The following IQCM variants were observed in gnomAD, a reference collection of about 807,000 sequenced individuals.
The protein encoded by IQCM is IQ motif containing M.
IQCM carries 45 observed loss-of-function variants against 57.6 expected under a neutral mutation model. That is an observed-to-expected ratio of 0.78 (90% CI 0.62 to 1.00). IQCM has a LOEUF of 1.00. Among genes scored for constraint, IQCM ranks in the 50% least tolerant of loss-of-function variants. The pLI is 0.00. For missense variants in IQCM, 468 were observed against 511.6 expected (o/e 0.91, Z 0.82); for synonymous variants, 148 against 158.9 (o/e 0.93, Z 0.51).
intron 5 of IQCM, among the ~76,000 whole-genome samples, chr4:149,721,107 G>A (rs1391598553): frequency 1.3e-5 from 2 of 151,874 alleles, no homozygotes; most frequent in Non-Finnish European, 2.9e-5. Context: ...CTAATGGCAG[G>A]TTGAAAATAT....
intron 10 of IQCM, among the ~76,000 whole-genome samples, chr4:149,560,850 G>T (rs1054449736): frequency 2.0e-5 from 3 of 152,116 alleles, no homozygotes; most frequent in African/African-American, 7.2e-5. Flanking sequence ...TATGACTATG[G>T]AAGTCTCCCA....
chr4:149,687,922 G>A (rs1762665528), intron 5 of IQCM, among the ~76,000 whole-genome samples: 1 of 151,650 alleles, frequency 6.6e-6, no homozygotes, highest in African/African-American at 2.4e-5. Context: ...AAAACTCCCA[G>A]CAAAATCAGC....
chr4:149,671,691 T>C (rs1038681373), intron 7 of IQCM, among the ~76,000 whole-genome samples: 2 of 152,162 alleles, frequency 1.3e-5, no homozygotes, highest in Non-Finnish European at 2.9e-5. Flanking sequence ...TTGTTCTCAT[T>C]GGTTTCAAAG....
chr4:149,777,160 C>A (rs1771167597), intron 2 of IQCM, among the ~76,000 whole-genome samples: 1 of 152,198 alleles, frequency 6.6e-6, no homozygotes, highest in Admixed American at 6.5e-5. Context: ...TTACTAAAAT[C>A]TTTCCTTTCA....
chr4:149,748,343 T>C (rs1232811240), intron 2 of IQCM, among the ~76,000 whole-genome samples: 1 of 152,182 alleles, frequency 6.6e-6, no homozygotes. Flanking sequence ...GACACTTACA[T>C]TAATTAAGAT....
At chr4:149,569,503 A>G (rs1260777433) in intron 9 of IQCM, among the ~76,000 whole-genome samples, 1 of 152,186 alleles carries the variant, frequency 6.6e-6, no homozygotes, top group Non-Finnish European at 1.5e-5. Flanking sequence ...ATTGTTTATT[A>G]TTACAGCAAA....
intron 13 of IQCM, among the ~76,000 whole-genome samples, chr4:149,365,587 C>A (rs1729774416): frequency 6.6e-6 from 1 of 152,140 alleles, no homozygotes; most frequent in Non-Finnish European, 1.5e-5. Context: ...ATGAAGAAAT[C>A]TGACAAACAC....
At chr4:149,447,119 A>G (rs1304769539) in intron 12 of IQCM, among the ~76,000 whole-genome samples, 1 of 151,538 alleles carries the variant, frequency 6.6e-6, no homozygotes, top group East Asian at 1.9e-4. Flanking sequence ...CAGCTAAAGG[A>G]TGTAGTGATA....
At chr4:149,588,151 C>T (rs1237215808) in intron 8 of IQCM, among the ~76,000 whole-genome samples, 154 bp from the exon 9 acceptor site, 4 of 151,624 alleles carry the variant, frequency 2.6e-5, no homozygotes, top group East Asian at 1.9e-4. Context: ...TTTTAGTATA[C>T]TCAGAGGGGT....
intron 8 of IQCM, among the ~76,000 whole-genome samples, chr4:149,603,690 T>C (rs1002596159): frequency 6.6e-6 from 1 of 151,220 alleles, no homozygotes; most frequent in Admixed American, 6.6e-5. Context: ...AAAATGAGAA[T>C]GGCCACTGAT....
At chr4:149,452,307 T>C (rs1178145022) in intron 12 of IQCM, among the ~76,000 whole-genome samples, 4 of 151,456 alleles carry the variant, frequency 2.6e-5, no homozygotes, top group Non-Finnish European at 4.4e-5. Flanking sequence ...CCAATTATAA[T>C]TCTAACACAA....
At chr4:149,805,439 C>T (rs995403038) in intron 2 of IQCM, among the ~76,000 whole-genome samples, 2 of 151,984 alleles carry the variant, frequency 1.3e-5, no homozygotes, top group Non-Finnish European at 2.9e-5. Context: ...TTGGGATGGT[C>T]ATTTCTAGCC....
At chr4:149,361,471 T>C (rs530768522) in intron 13 of IQCM, among the ~76,000 whole-genome samples, 26 of 151,752 alleles carry the variant, frequency 1.7e-4, no homozygotes, top group Non-Finnish European at 3.8e-4. Context: ...GAGGAAAAAG[T>C]GGTTTTGTGG....
At chr4:149,363,967 C>T (rs1396993541) in intron 13 of IQCM, among the ~76,000 whole-genome samples, 2 of 152,138 alleles carry the variant, frequency 1.3e-5, no homozygotes, top group Non-Finnish European at 1.5e-5. Context: ...TGACTTTGTT[C>T]AGAATCAATA....
At chr4:149,453,494 G>A (rs1219712759) in intron 12 of IQCM, among the ~76,000 whole-genome samples, 1 of 151,726 alleles carries the variant, frequency 6.6e-6, no homozygotes, top group Admixed American at 6.6e-5. Context: ...ACTTGTATAA[G>A]GAATATGTAG....
At chr4:149,587,785 A>T (rs1449098236) in intron 9 of IQCM, 145 bp downstream of exon 9, 1 of 391,224 alleles carries the variant, frequency 2.6e-6, no homozygotes, top group Non-Finnish European at 4.4e-6. Flanking sequence ...TCAAATTAAA[A>T]GGCCACATTG....
At chr4:149,670,036 G>A (rs897801828) in intron 7 of IQCM, among the ~76,000 whole-genome samples, 4 of 152,100 alleles carry the variant, frequency 2.6e-5, no homozygotes, top group Non-Finnish European at 4.4e-5. Context: ...AGCTTGATGG[G>A]GATGGCATTG....
chr4:149,592,610 A>C (rs1753310545), intron 8 of IQCM, among the ~76,000 whole-genome samples: 1 of 151,670 alleles, frequency 6.6e-6, no homozygotes, highest in African/African-American at 2.4e-5. Context: ...TTAAGTCTTT[A>C]ATCCATCTTG....
chr4:149,607,601 GATAA>G (rs900429361), intron 8 of IQCM, among the ~76,000 whole-genome samples: 25 of 151,992 alleles, frequency 1.6e-4, no homozygotes, highest in African/African-American at 5.5e-4. Flanking sequence ...TAATATAAAA[GATAA>G]ATAGAGATAA....
Sources: gnomAD v4.1 joint callset for allele counts (sites outside exome capture counted in the v4.1 genomes callset) on GRCh38, gnomAD v4.1.1 for gene constraint, MANE v1.5 for transcripts, NCBI Gene and HGNC (gene_info 2026-07-23, HGNC 2026-07-21) for gene names.